The following TEX9 variants were observed in gnomAD, a reference collection of about 807,000 sequenced individuals.
TEX9 encodes testis expressed 9.
In TEX9, 74 loss-of-function variants were observed where a neutral mutation model predicts 59.6. The ratio of observed to expected loss-of-function variants is 1.24; its 90% CI spans 1.03 to 1.51. The LOEUF (loss-of-function observed/expected upper bound fraction) is 1.51. Ranked by LOEUF, TEX9 falls within the 40% of genes most tolerant of loss-of-function variation. The pLI is 0.00. For missense variants in TEX9, 522 were observed against 447.8 expected, an observed-to-expected ratio of 1.17 and a Z score of -1.49; for synonymous variants, 186 against 152.2, an observed-to-expected ratio of 1.22 and a Z score of -1.64.
chr15:56,379,380 T>A (rs1339393286), intron 3 of TEX9, among the ~76,000 whole-genome samples: 1 of 152,210 alleles, frequency 6.6e-6, no homozygotes, highest in South Asian at 2.1e-4. Context: ...GTTATTAATT[T>A]CTAGTTTTAT....
intron 10 of TEX9, among the ~76,000 whole-genome samples, chr15:56,419,900 G>A (rs941818216): frequency 2.0e-5 from 3 of 151,862 alleles, no homozygotes; most frequent in Non-Finnish European, 4.4e-5. Context: ...GTCTGGGCCT[G>A]AGGTTTTCTT....
chr15:56,376,540 CAT>C (rs1385387838), intron 3 of TEX9, among the ~76,000 whole-genome samples: 1 of 151,930 alleles, frequency 6.6e-6, no homozygotes, highest in Non-Finnish European at 1.5e-5. Context: ...GCCTGTTTGC[CAT>C]GTGTGTGTTT....
intron 10 of TEX9, among the ~76,000 whole-genome samples, chr15:56,427,255 A>G (rs1218240949): frequency 6.6e-6 from 1 of 150,918 alleles, no homozygotes. Context: ...TTGATTACTC[A>G]TCTACACCTT....
chr15:56,303,687 A>G (rs1188308316), intron 1 of TEX9, among the ~76,000 whole-genome samples: 7 of 152,184 alleles, frequency 4.6e-5, no homozygotes, highest in African/African-American at 1.7e-4. Context: ...ATGAAATGGA[A>G]ATGAAAAGGA....
downstream of TEX9, among the ~76,000 whole-genome samples, chr15:56,446,254 A>ATG (rs1315035391): frequency 1.3e-5 from 2 of 151,964 alleles, no homozygotes; most frequent in Non-Finnish European, 2.9e-5. Context: ...TCAAGGGATG[A>ATG]TGTGCACCCT....
chr15:56,380,567 G>A (rs893778326), intron 3 of TEX9, among the ~76,000 whole-genome samples: 7 of 152,014 alleles, frequency 4.6e-5, no homozygotes, highest in Admixed American at 2.6e-4. Flanking sequence ...TTAGATTAAA[G>A]AACTGTCTTT....
intron 1 of TEX9, among the ~76,000 whole-genome samples, chr15:56,265,819 G>A (rs1234838627): frequency 6.6e-6 from 1 of 151,858 alleles, no homozygotes; most frequent in East Asian, 1.9e-4. Context: ...TGTGTGGGTG[G>A]CCTATTATAT....
In TEX9 at chr15:56,342,248, C is replaced by A. The variant is rs188576852; in HGVS notation, c.-106-31193C>A. ...TCATATTCATTACTCTTACATTTCA[C>A]AATAAGCTTTTGAGGTAGGAAATGT... On this transcript the variant is annotated intron_variant, in intron 1 of 5. Transcript: ENST00000560827. 4.2e-3 allele frequency among the ~76,000 whole-genome samples: 636 copies of A among 152,218 alleles called. 1 individual carries two copies. Among genetic ancestry groups the A allele is most frequent in the Non-Finnish European group, 6.8e-3 (460 of 68,002 alleles).
At chr15:56,292,797 C>T (rs181676183) in intron 1 of TEX9, among the ~76,000 whole-genome samples, 10 of 152,202 alleles carry the variant, frequency 6.6e-5, no homozygotes, top group East Asian at 3.9e-4. Context: ...ACTGATATGG[C>T]GGTACTAAGC....
intron 12 of TEX9, among the ~76,000 whole-genome samples, chr15:56,440,542 G>C (rs1382576490): frequency 6.6e-6 from 1 of 152,104 alleles, no homozygotes; most frequent in Non-Finnish European, 1.5e-5. Context: ...TTACTCATCA[G>C]AGCTAAATAT....
intron 2 of TEX9, among the ~76,000 whole-genome samples, chr15:56,368,015 T>A (rs1487938768): frequency 6.6e-6 from 1 of 152,170 alleles, no homozygotes; most frequent in Admixed American, 6.5e-5. Context: ...TTTCTCTGTT[T>A]AGGACTTCCC....
chr15:56,377,256 A>G (rs2047503258), intron 3 of TEX9, among the ~76,000 whole-genome samples: 1 of 152,130 alleles, frequency 6.6e-6, no homozygotes, highest in Non-Finnish European at 1.5e-5. Flanking sequence ...GTGGTTCCAT[A>G]TAAATTTTAG....
rs557130916 is a variant in TEX9, at chr15:56,420,893, G to T, written c.964-6712G>T. On this transcript the variant is annotated intron_variant, in intron 10 of 12. Coordinates refer to ENST00000352903, the Ensembl canonical transcript of TEX9. ...ATTCTTACTGATTTTTAATTCCATT[G>T]TGGACAGAGAATGCATTTGGTTTTA... 6.6e-5 allele frequency among the ~76,000 whole-genome samples: 10 copies of T among 151,814 alleles called. No homozygotes were observed. In the South Asian group the frequency reaches 2.1e-3, roughly 32 times the overall value.
At chr15:56,425,021 ATTC>A (rs1428449261) in intron 10 of TEX9, among the ~76,000 whole-genome samples, 1 of 152,022 alleles carries the variant, frequency 6.6e-6, no homozygotes, top group African/African-American at 2.4e-5. Context: ...TGGATGTAGT[ATTC>A]TTCTAGGTTT....
chr15:56,368,965 GTTTA>G (rs2047067525), intron 2 of TEX9, among the ~76,000 whole-genome samples: 1 of 151,624 alleles, frequency 6.6e-6, no homozygotes, highest in Non-Finnish European at 1.5e-5. Flanking sequence ...TTGTTTTTTA[GTTTA>G]TTTACCTCAT....
At chr15:56,258,848 A>G (rs1368940002) in intron 1 of TEX9, among the ~76,000 whole-genome samples, 1 of 150,864 alleles carries the variant, frequency 6.6e-6, no homozygotes, top group East Asian at 1.9e-4. Context: ...ATTTGTAGAC[A>G]TTCTTTAGAT....
chr15:56,336,350 T>A (rs1456192307), intron 1 of TEX9, among the ~76,000 whole-genome samples: 5 of 152,176 alleles, frequency 3.3e-5, no homozygotes, highest in Non-Finnish European at 4.4e-5. Flanking sequence ...GGGTGGTCCC[T>A]GCATAAATGA....
At chr15:56,332,616 TA>T (rs71110384) in intron 1 of TEX9, among the ~76,000 whole-genome samples, 333 of 138,406 alleles carry the variant, frequency 2.4e-3, no homozygotes, top group African/African-American at 6.9e-3. Context: ...ACTTAAAATA[TA>T]AAAAAAAAAA....
intron 1 of TEX9, among the ~76,000 whole-genome samples, chr15:56,247,818 T>A (rs1318426860): frequency 6.6e-6 from 1 of 152,216 alleles, no homozygotes; most frequent in Non-Finnish European, 1.5e-5. Flanking sequence ...CTGTTCTCCT[T>A]CTTTCCCAAC....
Sources: allele counts gnomAD v4.1 joint callset (sites outside exome capture counted in the v4.1 genomes callset), GRCh38; gene constraint gnomAD v4.1.1; transcripts MANE v1.5; gene names NCBI Gene and HGNC (gene_info 2026-07-23, HGNC 2026-07-21).